Variants in PPM1K observed in about 807,000 individuals in gnomAD.
The protein encoded by PPM1K is protein phosphatase, Mg2+/Mn2+ dependent 1K.
Under a neutral mutation model 32.6 loss-of-function variants are expected in PPM1K, and 19 were observed. That is an observed-to-expected ratio of 0.58 (90% CI 0.41 to 0.86). The LOEUF (loss-of-function observed/expected upper bound fraction) is 0.86, where lower values mean the gene tolerates loss of function less well. PPM1K is among the 40% of genes least tolerant of loss of function. PPM1K has a pLI of 0.00. For missense variants in PPM1K, 362 were observed against 461.2 expected (o/e 0.78, Z 1.97); for synonymous variants, 159 against 165.3 (o/e 0.96, Z 0.29).
At chr4:88,276,687 T>C in intron 3 of PPM1K, 1 of 984,830 alleles carries the variant, frequency 1.0e-6, no homozygotes, top group Non-Finnish European at 1.2e-6. Flanking sequence ...ATTTAGGACC[T>C]ATTTGCAATT....
Position 88,278,634 on chromosome 4 carries a change from A to C in PPM1K, c.-51T>G. 2.8e-6 allele frequency: 4 copies of C among 1,436,900 alleles called. No individual in the cohort carries two copies. Among genetic ancestry groups the C allele is most frequent in the Non-Finnish European group, 3.8e-6 (4 of 1,054,116 alleles). 89.0% of individuals were successfully genotyped at this position (1,436,900 alleles called of 1,614,324 possible). ...TGAGGGAAAGGTCAATGGAACAATA[A>C]TGGAATGTCTTCAAGAAAAATGATG... is the stretch of plus-strand genomic sequence containing the variant. On this transcript the variant is annotated 5_prime_UTR_variant, in exon 2 of 7. Coordinates refer to ENST00000608933, the MANE Select transcript of PPM1K (RefSeq NM_152542.5). The surrounding 1 kb of genome is among the most constrained non-coding windows in gnomAD (Gnocchi z 4.2).
At chr4:88,275,827 T>G in intron 3 of PPM1K, 1 of 985,438 alleles carries the variant, frequency 1.0e-6, no homozygotes, top group Non-Finnish European at 1.2e-6. Flanking sequence ...TTTAACTATT[T>G]GGAACAAGAG....
chr4:88,263,983 T>C (rs1731218100), intron 6 of PPM1K, among the ~76,000 whole-genome samples: 1 of 152,236 alleles, frequency 6.6e-6, no homozygotes, highest in African/African-American at 2.4e-5. Context: ...AAATGAATTA[T>C]GTATAAGAAT....
At position 88,259,049 on chromosome 4, in the gene PPM1K, T is replaced by G. The variant is rs1731022520; in HGVS notation, c.*3546A>C. ...TTGCAGTGAGCCGAGATCGTGCCAC[T>G]GCACTCCAGCCTGGGTGACAGAGAG... On this transcript the variant is annotated 3_prime_UTR_variant, in exon 7 of 7. Transcript: ENST00000608933. The G allele has an allele frequency of 6.7e-6, 1 of 149,938 alleles. No homozygotes were observed. Among genetic ancestry groups the G allele is most frequent in the South Asian group, 2.1e-4 (1 of 4,762 alleles). The allele number at this position is 149,938 out of a possible 1,614,324, so 9.3% of individuals were successfully genotyped here.
intron 2 of PPM1K, 63 bp from the exon 3 acceptor site, chr4:88,277,306 G>T (rs1043160523): frequency 3.6e-6 from 4 of 1,110,544 alleles, no homozygotes; most frequent in Admixed American, 3.5e-5. Context: ...TCTCCTCACT[G>T]TTACTCTAGC....
intron 6 of PPM1K, among the ~76,000 whole-genome samples, chr4:88,264,288 A>G (rs1351207783): frequency 6.6e-6 from 1 of 152,260 alleles, no homozygotes; most frequent in East Asian, 1.9e-4. Context: ...TGCCTCTAAT[A>G]TTTTAAATAA....
intron 1 of PPM1K, among the ~76,000 whole-genome samples, chr4:88,283,160 G>T (rs1171717160): frequency 6.6e-6 from 1 of 152,202 alleles, no homozygotes; most frequent in Admixed American, 6.5e-5. Flanking sequence ...TGTCGCCCAG[G>T]CTGGAGTGCA....
chr4:88,264,599 C>T (rs552997621), intron 6 of PPM1K, among the ~76,000 whole-genome samples: 1 of 152,318 alleles, frequency 6.6e-6, no homozygotes, highest in South Asian at 2.1e-4. Flanking sequence ...AGCCTCTGTA[C>T]CTGTTTTCCT....
Position 88,258,202 on chromosome 4 carries a change from T to A in PPM1K, c.*4393A>T, listed in dbSNP as rs146763305. On this transcript the variant is annotated 3_prime_UTR_variant, in exon 7 of 7. Coordinates refer to ENST00000608933, the MANE Select transcript of PPM1K (RefSeq NM_152542.5). ...AGGTGCTAAAGAAAAATAGAAGCAT[T>A]TTCTTATTATCATATTACCATGAAA... 10 of 152,254 alleles carry A rather than the reference T, an allele frequency of 6.6e-5. No individual in the cohort carries two copies. The East Asian group carries it at 1.7e-3, about 26-fold the overall frequency. 9.4% of individuals were successfully genotyped at this position (152,254 alleles called of 1,614,324 possible).
At chr4:88,282,487 A>G (rs1482727923) in intron 1 of PPM1K, among the ~76,000 whole-genome samples, 1 of 152,218 alleles carries the variant, frequency 6.6e-6, no homozygotes, top group Non-Finnish European at 1.5e-5. Context: ...CTTAAACCAA[A>G]TATTTACCTA....
chr4:88,265,702 T>C (rs1731276354), intron 5 of PPM1K, among the ~76,000 whole-genome samples: 1 of 152,220 alleles, frequency 6.6e-6, no homozygotes, highest in Admixed American at 6.5e-5. Context: ...TAATATTTAG[T>C]TAGTAAAATA....
chr4:88,274,749 G>A (rs1032760122), intron 3 of PPM1K, among the ~76,000 whole-genome samples: 19 of 152,010 alleles, frequency 1.2e-4, no homozygotes, highest in African/African-American at 4.6e-4. Context: ...TCCATAAACT[G>A]AACAGTTACA....
At chr4:88,268,396 G>A (rs1332641964) in intron 4 of PPM1K, 62 bp from the exon 5 acceptor site, 1 of 1,576,968 alleles carries the variant, frequency 6.3e-7, no homozygotes, top group Non-Finnish European at 8.7e-7. Flanking sequence ...GCCAAGGAGG[G>A]CAGATCACGA....
At chr4:88,267,929 T>A (rs1387461838) in intron 5 of PPM1K, among the ~76,000 whole-genome samples, 1 of 152,218 alleles carries the variant, frequency 6.6e-6, no homozygotes, top group African/African-American at 2.4e-5. Flanking sequence ...TTGTTGTAGT[T>A]AATCTGACTT....
chr4:88,277,142 C>T lies in PPM1K; in HGVS notation c.541+1G>A, dbSNP rs1198028540. The T allele has an allele frequency of 6.2e-7, 1 of 1,609,916 alleles. No individual in the cohort carries two copies. On this transcript the variant is annotated splice_donor_variant, in intron 3 of 6. Transcript: ENST00000608933. LOFTEE classifies it high-confidence loss of function. Reference sequence around the variant, plus strand: ...CCAAGGAATGTGATAGTTTTACATACCATCAGCAGACAGGCGGGCATGACT... The same window carrying T: ...CCAAGGAATGTGATAGTTTTACATATCATCAGCAGACAGGCGGGCATGACT...
At position 88,278,343 on chromosome 4, in the gene PPM1K, T is replaced by G. The variant is rs1578322817; in HGVS notation, c.241A>C (p.Ile81Leu). ...IDEPILLPPSIKYGKPIPKIS... is the reference protein window; with the variant it reads ...IDEPILLPPSLKYGKPIPKIS... ...TTGGGAATTGGCTTGCCATACTTAATGCTGGGTGGCAGCAGAATTGGCTCA... is the reference window on the plus strand; with the variant it reads ...TTGGGAATTGGCTTGCCATACTTAAGGCTGGGTGGCAGCAGAATTGGCTCA... The change falls in exon 2 of 7, where the codon ATT becomes CTT. Residue 81 changes from isoleucine (I) to leucine (L), a missense_variant. Ile to Leu is a conservative substitution (Grantham distance 5). Transcript: ENST00000608933. The surrounding 1 kb of genome is among the most constrained non-coding windows in gnomAD (Gnocchi z 4.2). The G allele has an allele frequency of 6.2e-7, 1 of 1,614,214 alleles. No individual in the cohort carries two copies. The highest frequency in any genetic ancestry group is 2.2e-5 in the East Asian group (1 of 44,886).
chr4:88,282,887 A>G (rs2110177110), intron 1 of PPM1K, among the ~76,000 whole-genome samples: 1 of 152,340 alleles, frequency 6.6e-6, no homozygotes, highest in African/African-American at 2.4e-5. Context: ...TTCACAGTCT[A>G]TTATGTCACC....
intron 3 of PPM1K, chr4:88,276,245 A>G (rs1731763283): frequency 1.0e-6 from 1 of 985,312 alleles, no homozygotes; most frequent in East Asian, 1.1e-4. Context: ...AGACTGTGCA[A>G]ATGACATTTC....
chr4:88,272,874 T>C (rs1048453785), intron 3 of PPM1K, among the ~76,000 whole-genome samples: 1 of 152,208 alleles, frequency 6.6e-6, no homozygotes, highest in Non-Finnish European at 1.5e-5. Flanking sequence ...ACAATAAGCT[T>C]TTATTATATT....
Sources: gnomAD v4.1 joint callset for allele counts (sites outside exome capture counted in the v4.1 genomes callset) on GRCh38, gnomAD v4.1.1 for gene constraint, Gnocchi (gnomAD v3.1) non-coding constraint, MANE v1.5 for transcripts, NCBI Gene and HGNC (gene_info 2026-07-23, HGNC 2026-07-21) for gene names.